The following DOCK8 variants were observed in gnomAD, a reference collection of about 807,000 sequenced individuals.
DOCK8 encodes dedicator of cytokinesis 8, also known as dedicator of cytokinesis protein 8.
Under a neutral mutation model 245.6 loss-of-function variants are expected in DOCK8, and 141 were observed. The ratio of observed to expected loss-of-function variants is 0.57; its 90% CI spans 0.50 to 0.66. The LOEUF (loss-of-function observed/expected upper bound fraction) is 0.66, where lower values mean the gene tolerates loss of function less well. Among genes scored for constraint, DOCK8 ranks in the 30% least tolerant of loss-of-function variants. The pLI, the probability that DOCK8 is intolerant of heterozygous loss-of-function variation, is 0.00. For missense variants in DOCK8, 2,965 were observed against 2,603.4 expected (o/e 1.14, Z -3.02); for synonymous variants, 1,168 against 970.2 (o/e 1.20, Z -3.79).
intron 25 of DOCK8, 44 bp from the exon 26 acceptor site, chr9:399,102 C>A (rs771468075): frequency 6.3e-7 from 1 of 1,575,576 alleles, no homozygotes; most frequent in South Asian, 1.1e-5. Context: ...AGTTCAAATC[C>A]AGAGTGTCCC....
intron 1 of DOCK8, among the ~76,000 whole-genome samples, chr9:256,270 G>A (rs1475479858): frequency 2.0e-5 from 3 of 152,174 alleles, no homozygotes; most frequent in Non-Finnish European, 4.4e-5. Flanking sequence ...CGAAGACTGA[G>A]CCTTACTTCT....
chr9:383,871 C>T (rs954873), intron 22 of DOCK8, among the ~76,000 whole-genome samples: 140,826 of 152,216 alleles, frequency 0.93, 65,146 homozygotes, highest in South Asian at 0.97. Context: ...TTTAGAGTTA[C>T]GGAATTATAT....
chr9:400,955 A>T (rs1012918108), intron 26 of DOCK8, among the ~76,000 whole-genome samples: 19 of 119,680 alleles, frequency 1.6e-4, no homozygotes, highest in South Asian at 8.8e-4. Flanking sequence ...CATCACCACC[A>T]CCACCACCAC....
At chr9:234,808 T>C (rs1231096247) in intron 1 of DOCK8, among the ~76,000 whole-genome samples, 1 of 152,162 alleles carries the variant, frequency 6.6e-6, no homozygotes, top group African/African-American at 2.4e-5. Context: ...CTATTTTTTT[T>C]TCAAAGCTTT....
chr9:247,111 T>C (rs1234953851), intron 1 of DOCK8, among the ~76,000 whole-genome samples: 1 of 152,238 alleles, frequency 6.6e-6, no homozygotes, highest in Non-Finnish European at 1.5e-5. Context: ...GACCTGAGTG[T>C]TTTCCTTCTC....
chr9:400,216 A>G (rs1220464717), intron 26 of DOCK8, among the ~76,000 whole-genome samples: 1 of 89,194 alleles, frequency 1.1e-5, no homozygotes, highest in African/African-American at 4.7e-5. Flanking sequence ...CACCTCCACT[A>G]TCACCACCAC....
intron 5 of DOCK8, among the ~76,000 whole-genome samples, chr9:307,742 A>G (rs2049914456): frequency 6.6e-6 from 1 of 152,172 alleles, no homozygotes; most frequent in Admixed American, 6.5e-5. Flanking sequence ...GGATATCAGT[A>G]TATCAAAGAG....
Position 379,487 on chromosome 9 carries a change from A to G in DOCK8, c.2441-284A>G, listed in dbSNP as rs919108823. 7.2e-5 allele frequency among the ~76,000 whole-genome samples: 11 copies of G among 152,080 alleles called. No individual in the cohort carries two copies. In the East Asian group the frequency reaches 1.4e-3, roughly 19 times the overall value. On this transcript the variant is annotated intron_variant, in intron 20 of 47. Coordinates refer to ENST00000432829, the MANE Select transcript of DOCK8 (RefSeq NM_203447.4). ...CCCCACTGAGTAGCATCAGTTTACA[A>G]CCTGGCTTAGAGAAGGAGGACGTCT...
chr9:228,372 A>G (rs1042877710), intron 1 of DOCK8, among the ~76,000 whole-genome samples: 2 of 152,158 alleles, frequency 1.3e-5, no homozygotes, highest in African/African-American at 4.8e-5. Flanking sequence ...AAAATATTCT[A>G]TTTAGATACT....
At chr9:301,787 CAAG>C (rs1212394068) in intron 4 of DOCK8, among the ~76,000 whole-genome samples, 2 of 152,094 alleles carry the variant, frequency 1.3e-5, no homozygotes, top group African/African-American at 4.8e-5. Context: ...TACAGCTAAT[CAAG>C]GAGGTGAAAG....
In DOCK8 at chr9:432,450, C is replaced by G. The variant is rs559063764; in HGVS notation, c.4785+126C>G. 61 of 936,782 alleles carry G rather than the reference C, an allele frequency of 6.5e-5. No individual in the cohort carries two copies. In the African/African-American group the frequency reaches 7.4e-4, roughly 11 times the overall value. 58.0% of individuals were successfully genotyped at this position (936,782 alleles called of 1,614,324 possible). On this transcript the variant is annotated intron_variant, in intron 37 of 47. Coordinates refer to ENST00000432829, the MANE Select transcript of DOCK8 (RefSeq NM_203447.4). ...ATAACATTTGCAAGTATTTATTGTCCAATATGCATGTGCTCTCAGCACTCT... is the reference window on the plus strand; with the variant it reads ...ATAACATTTGCAAGTATTTATTGTCGAATATGCATGTGCTCTCAGCACTCT...
At chr9:376,947 C>G in intron 19 of DOCK8, 30 bp from the exon 20 acceptor site, 1 of 1,593,852 alleles carries the variant, frequency 6.3e-7, no homozygotes, top group Non-Finnish European at 8.6e-7. Flanking sequence ...TGGTATAAAA[C>G]CCCATGAGGC....
At chr9:251,075 T>G (rs569140274) in intron 1 of DOCK8, among the ~76,000 whole-genome samples, 3 of 152,304 alleles carry the variant, frequency 2.0e-5, no homozygotes, top group African/African-American at 7.2e-5. Context: ...CCAGGTAATG[T>G]AGGAAACATT....
At chr9:283,974 T>A (rs2048704611) in intron 2 of DOCK8, among the ~76,000 whole-genome samples, 1 of 152,240 alleles carries the variant, frequency 6.6e-6, no homozygotes, top group Admixed American at 6.5e-5. Context: ...AGGGTTATAG[T>A]GAGGATTGAA....
intron 19 of DOCK8, 38 bp from the exon 20 acceptor site, chr9:376,939 G>A: frequency 6.4e-7 from 1 of 1,568,806 alleles, no homozygotes; most frequent in Non-Finnish European, 8.7e-7. Flanking sequence ...AACATTGATG[G>A]TATAAAACCC....
chr9:224,198 T>C (rs1005539971), intron 1 of DOCK8, among the ~76,000 whole-genome samples: 6 of 152,308 alleles, frequency 3.9e-5, no homozygotes, highest in African/African-American at 1.4e-4. Context: ...ACAGTGTTTT[T>C]CAATTACTCC....
intron 1 of DOCK8, among the ~76,000 whole-genome samples, chr9:235,758 C>CAG (rs1050505749): frequency 6.6e-6 from 1 of 152,126 alleles, no homozygotes; most frequent in Non-Finnish European, 1.5e-5. Context: ...TGGAAAAGCG[C>CAG]AGTATTAGGG....
At chr9:365,973 C>G in intron 14 of DOCK8, 1 of 242,444 alleles carries the variant, frequency 4.1e-6, no homozygotes. Flanking sequence ...TGGGCTCTGC[C>G]TCTGTTTAGA....
rs545256953 is a variant in DOCK8, at chr9:376,972, C to T, written c.2206-5C>T. On this transcript the variant is annotated splice_polypyrimidine_tract_variant and splice_region_variant and intron_variant, in intron 19 of 47. Transcript: ENST00000432829. ...CCCCATGAGGCCTGCCTTCTCCCTT[C>T]GCAGGACAACCACCTGGAGAAGTTC... 5.6e-6 allele frequency: 9 copies of T among 1,613,074 alleles called. No homozygotes were observed. The highest frequency in any genetic ancestry group is 2.2e-5 in the East Asian group (1 of 44,812).
Sources: gnomAD v4.1 joint callset for allele counts (sites outside exome capture counted in the v4.1 genomes callset) on GRCh38, gnomAD v4.1.1 for gene constraint, MANE v1.5 for transcripts, NCBI Gene and HGNC (gene_info 2026-07-23, HGNC 2026-07-21) for gene names.